CIRSR: variants seen among roughly 807,000 people sequenced by gnomAD.
CIRSR encodes corepressor of RBPJ and splicing regulator.
chr2:174,393,127 C>G, the CIRSR span, among the ~76,000 whole-genome samples: 1 of 152,002 alleles, frequency 6.6e-6, no homozygotes. Context: ...GCTAAGGGAA[C>G]AGAGAGTTTC....
the CIRSR span, chr2:174,378,891 C>G: frequency 2.8e-6 from 4 of 1,435,694 alleles, no homozygotes; most frequent in African/African-American, 1.4e-5. Context: ...CTTGTTTGTC[C>G]TCTCCCGAAA....
the CIRSR span, chr2:174,349,159 G>A: frequency 1.2e-5 from 17 of 1,450,768 alleles, no homozygotes; most frequent in Admixed American, 4.6e-4. Flanking sequence ...TTCTTCTCCA[G>A]TCGATCTAAT....
chr2:174,374,797 A>G, the CIRSR span, among the ~76,000 whole-genome samples: 2 of 152,302 alleles, frequency 1.3e-5, no homozygotes, highest in East Asian at 1.9e-4. Context: ...AAGATGCTCA[A>G]TACTCTTTTC....
chr2:174,364,422 G>T, the CIRSR span, among the ~76,000 whole-genome samples: 1 of 152,286 alleles, frequency 6.6e-6, no homozygotes, highest in East Asian at 1.9e-4. Flanking sequence ...ACCATTCTGG[G>T]GTCTGCAGGA....
chr2:174,388,962 C>T, the CIRSR span, among the ~76,000 whole-genome samples: 1 of 152,176 alleles, frequency 6.6e-6, no homozygotes, highest in Admixed American at 6.5e-5. Flanking sequence ...TCACTGCTAC[C>T]ATGTGAGGAA....
the CIRSR span, chr2:174,348,213 C>T: frequency 4.3e-5 from 13 of 305,210 alleles, no homozygotes; most frequent in South Asian, 2.8e-4. Context: ...GAGTTATATG[C>T]GGTTTTTATC....
chr2:174,349,160 T>C, the CIRSR span: 1 of 1,447,692 alleles, frequency 6.9e-7, no homozygotes, highest in South Asian at 1.5e-5. Flanking sequence ...TCTTCTCCAG[T>C]CGATCTAATT....
the CIRSR span, among the ~76,000 whole-genome samples, chr2:174,369,410 T>C: frequency 6.6e-6 from 1 of 152,248 alleles, no homozygotes; most frequent in African/African-American, 2.4e-5. Context: ...TTTTCCTCCA[T>C]ATCAGCAGTA....
At chr2:174,372,091 G>T in the CIRSR span, among the ~76,000 whole-genome samples, 2 of 152,046 alleles carry the variant, frequency 1.3e-5, no homozygotes, top group Admixed American at 6.6e-5. Context: ...TTTTGATTTT[G>T]AGAAATCTTT....
chr2:174,381,256 T>G, the CIRSR span, among the ~76,000 whole-genome samples: 2 of 152,214 alleles, frequency 1.3e-5, no homozygotes, highest in African/African-American at 4.8e-5. Context: ...GTTTTTATTA[T>G]CTTCACAGGA....
the CIRSR span, chr2:174,348,205 G>C: frequency 3.4e-6 from 1 of 291,764 alleles, no homozygotes. Context: ...ATGTCACAGA[G>C]TTATATGCGG....
chr2:174,348,358 G>A, the CIRSR span: 2 of 1,374,006 alleles, frequency 1.5e-6, no homozygotes, highest in South Asian at 3.2e-5. Flanking sequence ...GTCTAGAGAT[G>A]AAAAATTAAA....
chr2:174,370,225 AG>A, the CIRSR span, among the ~76,000 whole-genome samples: 1 of 152,156 alleles, frequency 6.6e-6, no homozygotes, highest in African/African-American at 2.4e-5. Context: ...ATTTACAAAA[AG>A]TTTCTGTAGC....
chr2:174,365,181 A>C, the CIRSR span, among the ~76,000 whole-genome samples: 1 of 152,216 alleles, frequency 6.6e-6, no homozygotes, highest in Non-Finnish European at 1.5e-5. Context: ...TCTCTAGGGC[A>C]GGAGCAAAAT....
chr2:174,370,029 A>G, the CIRSR span: 2 of 1,364,468 alleles, frequency 1.5e-6, no homozygotes, highest in South Asian at 2.3e-5. Flanking sequence ...AAAGGGCAAG[A>G]AAGTGAAGCA....
At chr2:174,362,735 T>C in the CIRSR span, among the ~76,000 whole-genome samples, 3 of 142,242 alleles carry the variant, frequency 2.1e-5, no homozygotes, top group Admixed American at 1.4e-4. Context: ...TATCAGAGAA[T>C]TGAGGTCGCA....
chr2:174,382,970 A>T, the CIRSR span, among the ~76,000 whole-genome samples: 29 of 152,352 alleles, frequency 1.9e-4, no homozygotes, highest in South Asian at 6.0e-3. Flanking sequence ...CCTTATATCC[A>T]CTGGATTCTA....
chr2:174,374,222 C>G, the CIRSR span, among the ~76,000 whole-genome samples: 2 of 152,302 alleles, frequency 1.3e-5, no homozygotes, highest in Non-Finnish European at 1.5e-5. Flanking sequence ...TTCTTTGAAT[C>G]TTTCTTTTTT....
chr2:174,355,180 C>T, the CIRSR span, among the ~76,000 whole-genome samples: 1 of 152,026 alleles, frequency 6.6e-6, no homozygotes, highest in Non-Finnish European at 1.5e-5. Flanking sequence ...CTTTTGAGAA[C>T]TCAAAATTTG....
Sources: allele counts gnomAD v4.1 joint callset (sites outside exome capture counted in the v4.1 genomes callset), GRCh38; gene constraint gnomAD v4.1.1; transcripts MANE v1.5; gene names NCBI Gene and HGNC (gene_info 2026-07-23, HGNC 2026-07-21).